CTNNA3: variants seen among roughly 807,000 people sequenced by gnomAD.
CTNNA3 encodes catenin alpha-3.
A neutral mutation model predicts 95.7 loss-of-function variants in CTNNA3; 76 were observed. The observed-to-expected ratio is 0.79, with a 90% CI of 0.66 to 0.96. The LOEUF is 0.96. Among genes scored for constraint, CTNNA3 ranks in the 40% least tolerant of loss-of-function variants. The pLI is 0.00. For synonymous variants in CTNNA3, 431 were observed against 374.4 expected (o/e 1.15, Z -1.74); for missense variants, 1,191 against 1,089.8 (o/e 1.09, Z -1.31).
At chr10:67,309,692 T>C (rs986879154) in intron 5 of CTNNA3, among the ~76,000 whole-genome samples, 2 of 152,142 alleles carry the variant, frequency 1.3e-5, no homozygotes, top group Non-Finnish European at 2.9e-5. Flanking sequence ...GCAAACAGGG[T>C]CAACTTACTA....
chr10:65,921,079 A>G (rs1471306511), intron 17 of CTNNA3, among the ~76,000 whole-genome samples: 2 of 152,204 alleles, frequency 1.3e-5, no homozygotes, highest in Non-Finnish European at 2.9e-5. Flanking sequence ...TACTTTTATT[A>G]TAGTGTCTCT....
chr10:66,051,275 A>T (rs867247608), intron 15 of CTNNA3, among the ~76,000 whole-genome samples: 1 of 152,252 alleles, frequency 6.6e-6, no homozygotes, highest in Admixed American at 6.5e-5. Context: ...CGTGAAGACC[A>T]TAATCCTGTG....
chr10:66,783,242 C>T (rs755047436), intron 7 of CTNNA3, among the ~76,000 whole-genome samples: 32 of 152,194 alleles, frequency 2.1e-4, no homozygotes, highest in Non-Finnish European at 3.4e-4. Flanking sequence ...AAAATCAAAT[C>T]ATTTTTCTGA....
intron 7 of CTNNA3, among the ~76,000 whole-genome samples, chr10:67,070,825 C>T (rs1215742708): frequency 6.6e-6 from 1 of 152,096 alleles, no homozygotes; most frequent in Non-Finnish European, 1.5e-5. Context: ...ATGTTTTCCT[C>T]TATTTCCTAC....
At chr10:66,333,291 T>C (rs980539245) in intron 12 of CTNNA3, among the ~76,000 whole-genome samples, 2 of 152,100 alleles carry the variant, frequency 1.3e-5, no homozygotes, top group African/African-American at 4.8e-5. Flanking sequence ...TGTTTGCTCT[T>C]GCTTCTCTAG....
intron 5 of CTNNA3, among the ~76,000 whole-genome samples, chr10:67,231,006 C>G (rs1865171714): frequency 6.6e-6 from 1 of 152,212 alleles, no homozygotes. Context: ...GTGTCCCGCA[C>G]CTGGCTGGGA....
chr10:67,395,960 AT>A (rs1189073767), intron 5 of CTNNA3, among the ~76,000 whole-genome samples: 1 of 152,160 alleles, frequency 6.6e-6, no homozygotes, highest in South Asian at 2.1e-4. Context: ...ATCTATGTAT[AT>A]TTTTTAGTAT....
intron 3 of CTNNA3, among the ~76,000 whole-genome samples, chr10:67,553,663 T>C (rs1227987122): frequency 5.3e-5 from 8 of 152,068 alleles, no homozygotes. Context: ...GGAAGAGATA[T>C]ACAAAAAAAG....
At chr10:66,109,211 A>G (rs778889955) in intron 13 of CTNNA3, among the ~76,000 whole-genome samples, 17 of 152,162 alleles carry the variant, frequency 1.1e-4, no homozygotes, top group South Asian at 2.1e-4. Context: ...GGCTGGGACA[A>G]TGGATGTCTC....
At chr10:67,437,493 A>G (rs1846343240) in intron 5 of CTNNA3, among the ~76,000 whole-genome samples, 1 of 152,138 alleles carries the variant, frequency 6.6e-6, no homozygotes, top group African/African-American at 2.4e-5. Context: ...AATTTAATAA[A>G]TACCCCAATA....
intron 17 of CTNNA3, among the ~76,000 whole-genome samples, chr10:65,945,158 G>GTA (rs772460697): frequency 0.022 from 3,309 of 148,944 alleles, 117 homozygotes; most frequent in African/African-American, 0.078. Context: ...GTGTGTGTGT[G>GTA]TGTATATATA....
chr10:66,071,652 G>A (rs183592283), intron 14 of CTNNA3, among the ~76,000 whole-genome samples: 2 of 152,172 alleles, frequency 1.3e-5, no homozygotes, highest in East Asian at 1.9e-4. Context: ...ACCTTTGAAA[G>A]CAATTGTTCT....
At position 67,235,853 on chromosome 10, in the gene CTNNA3, C is replaced by T. The variant is rs1426176440; in HGVS notation, c.580-15983G>A. Reference sequence around the variant, plus strand: ...ACCCCATCAAAAAGTGGGCGAAGGACATGAACAGACTCTTCTCAAAAGAAG... The same window carrying T: ...ACCCCATCAAAAAGTGGGCGAAGGATATGAACAGACTCTTCTCAAAAGAAG... On this transcript the variant is annotated intron_variant, in intron 5 of 17. Coordinates refer to ENST00000433211, the MANE Select transcript of CTNNA3 (RefSeq NM_013266.4). 2.0e-4 allele frequency among the ~76,000 whole-genome samples: 28 copies of T among 140,936 alleles called. 3 individuals are homozygous for T. The highest frequency in any genetic ancestry group is 6.7e-4 in the African/African-American group (23 of 34,390). The allele number at this position is 140,936 out of a possible 152,430, so 92.5% of individuals were successfully genotyped here. A position where few individuals can be genotyped will look rare whatever the true frequency, so the allele number is the denominator to read the frequency against.
At chr10:67,198,009 T>G (rs1421356562) in intron 6 of CTNNA3, among the ~76,000 whole-genome samples, 2 of 152,184 alleles carry the variant, frequency 1.3e-5, no homozygotes, top group Non-Finnish European at 2.9e-5. Context: ...GATGAAAATT[T>G]TCTGTATCTA....
intron 10 of CTNNA3, among the ~76,000 whole-genome samples, chr10:66,555,364 A>G (rs1192032064): frequency 6.6e-6 from 1 of 152,162 alleles, no homozygotes; most frequent in Non-Finnish European, 1.5e-5. Context: ...TAAATGTTAA[A>G]AAAACAGAAT....
At chr10:66,671,617 T>C (rs1846665147) in intron 9 of CTNNA3, among the ~76,000 whole-genome samples, 1 of 152,196 alleles carries the variant, frequency 6.6e-6, no homozygotes, top group African/African-American at 2.4e-5. Flanking sequence ...TGAAAATGTT[T>C]TTAGTTACTG....
intron 5 of CTNNA3, among the ~76,000 whole-genome samples, chr10:67,378,246 AT>A (rs1388421557): frequency 6.6e-6 from 1 of 152,154 alleles, no homozygotes; most frequent in East Asian, 1.9e-4. Context: ...AATTTTTAAA[AT>A]TTTAACTTGT....
At chr10:66,531,581 A>G (rs1841467357) in intron 10 of CTNNA3, among the ~76,000 whole-genome samples, 1 of 152,190 alleles carries the variant, frequency 6.6e-6, no homozygotes, top group Non-Finnish European at 1.5e-5. Flanking sequence ...ATAAAATACA[A>G]GAATGCTTTA....
chr10:67,439,402 A>G (rs184217937), intron 5 of CTNNA3, among the ~76,000 whole-genome samples: 39 of 152,256 alleles, frequency 2.6e-4, no homozygotes, highest in Non-Finnish European at 3.5e-4. Context: ...GAAACTTACA[A>G]TCAATGGCAA....
Sources: allele counts gnomAD v4.1 joint callset (sites outside exome capture counted in the v4.1 genomes callset), GRCh38; gene constraint gnomAD v4.1.1; transcripts MANE v1.5; gene names NCBI Gene and HGNC (gene_info 2026-07-23, HGNC 2026-07-21).